UBASH3A: variants seen among roughly 807,000 people sequenced by gnomAD.
UBASH3A encodes ubiquitin associated and SH3 domain containing A, also known as ubiquitin-associated and SH3 domain-containing protein A.
Under a neutral mutation model 73.5 loss-of-function variants are expected in UBASH3A, and 63 were observed. The ratio of observed to expected loss-of-function variants is 0.86; its 90% CI spans 0.70 to 1.06. The LOEUF is 1.06. Ranked by LOEUF, UBASH3A falls within the 50% of genes least tolerant of loss-of-function variation. The pLI, the probability that UBASH3A is intolerant of heterozygous loss-of-function variation, is 0.00. For synonymous variants in UBASH3A, 363 were observed against 351.1 expected (o/e 1.03, Z -0.38); for missense variants, 860 against 859.0 (o/e 1.00, Z -0.02).
At position 42,413,647 on chromosome 21, in the gene UBASH3A, A is replaced by G; in HGVS notation, c.667+124A>G. On this transcript the variant is annotated intron_variant, in intron 5 of 14. Coordinates refer to ENST00000319294, the MANE Select transcript of UBASH3A (RefSeq NM_018961.4). The surrounding 1 kb of genome is among the most constrained non-coding windows in gnomAD (Gnocchi z 4.5). The stretch of plus-strand genomic sequence containing the variant: ...CCAACAGCCTGGGAAAGTGCCCCAG[A>G]AGGGTGTGCCAAGCATCAAGCCTGA... 1 of 730,052 alleles carries G rather than the reference A, an allele frequency of 1.4e-6. No homozygotes were observed. The highest frequency in any genetic ancestry group is 1.9e-5 in the South Asian group (1 of 53,018). The allele number at this position is 730,052 out of a possible 1,614,324, so 45.2% of individuals were successfully genotyped here.
At chr21:42,409,244 G>A (rs372713436) in intron 2 of UBASH3A, among the ~76,000 whole-genome samples, 178 bp from the exon 3 acceptor site, 70 of 152,354 alleles carry the variant, frequency 4.6e-4, no homozygotes, top group East Asian at 3.3e-3. Context: ...CAGCTGTGCC[G>A]CAGTGCCTCC....
Position 42,413,054 on chromosome 21 carries a change from G to C in UBASH3A, c.385G>C (p.Glu129Gln), listed in dbSNP as rs767936056. The change falls in exon 4 of 15, where the codon GAG becomes CAG. Residue 129 changes from glutamate to glutamine, a missense_variant. By Grantham distance (29) the Glu-to-Gln change is conservative. Transcript: ENST00000319294. This position sits in a 1 kb window ranked among gnomAD's most constrained non-coding sequence, Gnocchi z 4.5. ...AGACCAGAAGGTGGAATGCCTGTAC[G>C]AGGCGCTGAAGAGAGCTGGAGACAG... ...CEDQKVECLY[E>Q]ALKRAGDRLL... 6.2e-7 allele frequency: 1 copy of C among 1,614,090 alleles called. No individual in the cohort carries two copies. The highest frequency in any genetic ancestry group is 1.3e-5 in the African/African-American group (1 of 74,920).
intron 2 of UBASH3A, among the ~76,000 whole-genome samples, chr21:42,407,036 C>A (rs1221641525): frequency 6.6e-6 from 1 of 152,036 alleles, no homozygotes; most frequent in African/African-American, 2.4e-5. Context: ...CTAAGGGTGC[C>A]AGGTGTGTGG....
At chr21:42,412,547 G>T (rs373468930) in intron 3 of UBASH3A, among the ~76,000 whole-genome samples, 80 of 152,342 alleles carry the variant, frequency 5.3e-4, no homozygotes, top group African/African-American at 1.8e-3. Flanking sequence ...ACCCGACTCA[G>T]TGCTCAGCCG....
intron 11 of UBASH3A, among the ~76,000 whole-genome samples, chr21:42,441,853 A>C (rs1321122565): frequency 6.6e-6 from 1 of 152,162 alleles, no homozygotes; most frequent in Non-Finnish European, 1.5e-5. Context: ...CCCAGTGAAA[A>C]CATTCAGGTC....
rs962109977 is a variant in UBASH3A, at chr21:42,412,943, T to A, written c.355-81T>A. 5.1e-6 allele frequency: 6 copies of A among 1,170,248 alleles called. No homozygotes were observed. In the African/African-American group the frequency reaches 6.1e-5, roughly 12 times the overall value. 72.5% of individuals were successfully genotyped at this position (1,170,248 alleles called of 1,614,324 possible). On this transcript the variant is annotated intron_variant, in intron 3 of 14. Transcript: ENST00000319294. ...CAGAAAAGAATCTCACTTTAATTGC[T>A]GCCTGATTGTTATTAATTAAATTAA...
intron 14 of UBASH3A, among the ~76,000 whole-genome samples, chr21:42,445,014 C>T (rs554136641): frequency 1.1e-4 from 17 of 152,290 alleles, no homozygotes; most frequent in South Asian, 2.1e-4. Flanking sequence ...TGGGGCAGGG[C>T]GGCTGATGGA....
chr21:42,445,057 G>A (rs1255528061), intron 14 of UBASH3A, among the ~76,000 whole-genome samples: 1 of 152,224 alleles, frequency 6.6e-6, no homozygotes, highest in African/African-American at 2.4e-5. Flanking sequence ...CTTGCCCTTG[G>A]AGTCACCCAG....
At chr21:42,415,907 C>A in intron 5 of UBASH3A, among the ~76,000 whole-genome samples, 1 of 152,176 alleles carries the variant, frequency 6.6e-6, no homozygotes, top group East Asian at 1.9e-4. Context: ...GACCTGAGAG[C>A]CCCTGGCAGG....
chr21:42,429,793 A>G (rs2053497620), intron 8 of UBASH3A, among the ~76,000 whole-genome samples: 1 of 152,070 alleles, frequency 6.6e-6, no homozygotes, highest in South Asian at 2.1e-4. Flanking sequence ...GAAACAAACA[A>G]CTGAAGTTTT....
chr21:42,429,970 ACTGTCTGGTC>A (rs1316496723), intron 8 of UBASH3A, among the ~76,000 whole-genome samples: 1 of 152,106 alleles, frequency 6.6e-6, no homozygotes, highest in Non-Finnish European at 1.5e-5. Flanking sequence ...GCCACCGAGA[ACTGTCTGGTC>A]CTGATAAATT....
rs563938060 is a variant in UBASH3A, at chr21:42,418,900, T to A, written c.1046+291T>A. 3.3e-4 allele frequency among the ~76,000 whole-genome samples: 51 copies of A among 152,342 alleles called. 2 individuals carry two copies. In the South Asian group the frequency reaches 0.01, roughly 30 times the overall value. On this transcript the variant is annotated intron_variant, in intron 7 of 14. Transcript: ENST00000319294. ...TTATCACACACATAATAAATTATAC[T>A]CAGAGGTCCTGAGCTTGGGTTTATT...
intron 3 of UBASH3A, 130 bp downstream of exon 3, chr21:42,409,738 C>T: frequency 1.3e-6 from 1 of 780,958 alleles, no homozygotes; most frequent in South Asian, 1.8e-5. Context: ...TAGCTGGCAC[C>T]TTCATATGAG....
intron 1 of UBASH3A, 106 bp downstream of exon 1, chr21:42,404,164 C>A: frequency 1.9e-6 from 1 of 516,634 alleles, no homozygotes; most frequent in African/African-American, 2.0e-5. Context: ...GGCTTCCTGC[C>A]AAAGCAGTGC....
chr21:42,423,015 C>T (rs543968562), intron 7 of UBASH3A, among the ~76,000 whole-genome samples: 1 of 152,294 alleles, frequency 6.6e-6, no homozygotes, highest in African/African-American at 2.4e-5. Flanking sequence ...AAATGCATTA[C>T]TTACTCAAAA....
In UBASH3A at chr21:42,443,312, G is replaced by A; in HGVS notation, c.1632G>A (p.Arg544=). 6.2e-7 allele frequency: 1 copy of A among 1,611,914 alleles called. No individual in the cohort carries two copies. Among genetic ancestry groups the A allele is most frequent in the South Asian group, 1.1e-5 (1 of 90,674 alleles). Residue 544 remains arginine (R), a splice_region_variant and synonymous_variant, in exon 13 of 15, where the codon AGG becomes AGA. Transcript: ENST00000319294. ...EANFNIDTDY[R]PAFPLSALMP... ...CAGCCTCTCCTTCTCATCCTTCCAGGCCCGCGTTTCCCCTGTCCGCCCTCA... is the reference window on the plus strand; with the variant it reads ...CAGCCTCTCCTTCTCATCCTTCCAGACCCGCGTTTCCCCTGTCCGCCCTCA...
intron 1 of UBASH3A, 73 bp from the exon 2 acceptor site, chr21:42,406,235 C>T (rs3746923): frequency 0.41 from 522,207 of 1,288,674 alleles, 107,235 homozygotes; most frequent in African/African-American, 0.5. Flanking sequence ...TGTGCAAGGC[C>T]ACACCCTGCC....
rs373016705 is a variant in UBASH3A at position 42,444,648 on chromosome 21, G to T, written c.1848+5G>T. The stretch of plus-strand genomic sequence containing the variant: ...TTTGCCCAACTCGTGAGAAAGGTAC[G>T]CGCCCACTCTTGGCTCTTTGGGCCA... On this transcript the variant is annotated splice_donor_5th_base_variant and intron_variant, in intron 14 of 14. Transcript: ENST00000319294. 3.7e-6 allele frequency: 6 copies of T among 1,606,486 alleles called. No homozygotes were observed. The South Asian group carries it at 6.6e-5, about 18-fold the overall frequency.
chr21:42,444,469 C>G, intron 13 of UBASH3A, 65 bp from the exon 14 acceptor site: 1 of 1,260,540 alleles, frequency 7.9e-7, no homozygotes, highest in Non-Finnish European at 1.2e-6. Context: ...ACTTTGGGGA[C>G]CCCAGTCTAA....
Sources: allele counts gnomAD v4.1 joint callset (sites outside exome capture counted in the v4.1 genomes callset), GRCh38; gene constraint gnomAD v4.1.1; non-coding constraint Gnocchi (gnomAD v3.1); transcripts MANE v1.5; gene names NCBI Gene and HGNC (gene_info 2026-07-23, HGNC 2026-07-21).